PANK1: variants seen among roughly 807,000 people sequenced by gnomAD.
PANK1 encodes pantothenic acid kinase 1.
A neutral mutation model predicts 40.1 loss-of-function variants in PANK1; 18 were observed. The observed-to-expected ratio is 0.45, with a 90% CI of 0.31 to 0.67. PANK1 has a LOEUF of 0.67. Among genes scored for constraint, PANK1 ranks in the 30% least tolerant of loss-of-function variants. The pLI is 0.06. For synonymous variants in PANK1, 242 were observed against 237.7 expected, an observed-to-expected ratio of 1.02 and a Z score of -0.17; for missense variants, 457 against 599.6, an observed-to-expected ratio of 0.76 and a Z score of 2.48.
intron 3 of PANK1, 53 bp from the exon 4 acceptor site, chr10:89,594,042 C>T: frequency 7.7e-7 from 1 of 1,302,788 alleles, no homozygotes; most frequent in Non-Finnish European, 1.1e-6. Flanking sequence ...TATGCCCATC[C>T]AAGTCCCCAA....
At chr10:89,612,612 T>C (rs1845194160) in intron 1 of PANK1, among the ~76,000 whole-genome samples, 1 of 152,210 alleles carries the variant, frequency 6.6e-6, no homozygotes, top group Admixed American at 6.5e-5. Context: ...TGTTTTAATC[T>C]ATACAGTGTA....
intron 5 of PANK1, chr10:89,592,611 T>C: frequency 2.2e-6 from 1 of 451,552 alleles, no homozygotes; most frequent in Non-Finnish European, 4.5e-6. Context: ...TTATACACCT[T>C]GTATTTCAGA....
rs1589750225 is a variant in PANK1 at position 89,583,456 on chromosome 10, T to C, written c.*950A>G. On this transcript the variant is annotated 3_prime_UTR_variant, in exon 7 of 7. Coordinates refer to ENST00000307534, the MANE Select transcript of PANK1 (RefSeq NM_148977.3). ...CTCAACCCATGACTTACCCTAAATCTCCTGATATGAACAATTAATCTACTG... is the reference window on the plus strand; with the variant it reads ...CTCAACCCATGACTTACCCTAAATCCCCTGATATGAACAATTAATCTACTG... 6.6e-6 allele frequency: 1 copy of C among 152,160 alleles called. No homozygotes were observed. The highest frequency in any genetic ancestry group is 6.5e-5 in the Admixed American group (1 of 15,272). 9.4% of individuals were successfully genotyped at this position (152,160 alleles called of 1,614,324 possible).
At chr10:89,600,514 T>C (rs1373849009) in intron 2 of PANK1, among the ~76,000 whole-genome samples, 1 of 152,240 alleles carries the variant, frequency 6.6e-6, no homozygotes, top group African/African-American at 2.4e-5. Context: ...GAAGATTACC[T>C]AAAAATATAG....
At chr10:89,623,505 G>A (rs1589804403) in intron 1 of PANK1, among the ~76,000 whole-genome samples, 1 of 150,628 alleles carries the variant, frequency 6.6e-6, no homozygotes, top group African/African-American at 2.4e-5. Context: ...TTACAGGCAT[G>A]AGCCACCGTG....
At chr10:89,637,052 G>A (rs905876044) in intron 1 of PANK1, among the ~76,000 whole-genome samples, 1 of 151,002 alleles carries the variant, frequency 6.6e-6, no homozygotes, top group African/African-American at 2.4e-5. Context: ...TAGAGACGGG[G>A]TTCCACCGTG....
intron 1 of PANK1, among the ~76,000 whole-genome samples, chr10:89,635,273 C>T (rs1189090693): frequency 6.6e-6 from 1 of 152,034 alleles, no homozygotes; most frequent in African/African-American, 2.4e-5. Context: ...AGAAATTTAT[C>T]GGGCTCACAA....
At chr10:89,581,616 G>A (rs150788924), downstream of PANK1, 1,095 of 152,210 alleles carry the variant, frequency 7.2e-3, 12 homozygotes, top group African/African-American at 0.025. Flanking sequence ...GGGTTTCACC[G>A]TATTAGCCAG....
At chr10:89,591,565 C>A (rs1442869101) in intron 5 of PANK1, among the ~76,000 whole-genome samples, 1 of 152,212 alleles carries the variant, frequency 6.6e-6, no homozygotes, top group Non-Finnish European at 1.5e-5. Flanking sequence ...TGGCTGCTCT[C>A]ATGGGAAATG....
rs1477214952 is a variant in PANK1, at chr10:89,645,015, C to T, written c.-124G>A. 1.3e-6 allele frequency: 2 copies of T among 1,566,984 alleles called. No homozygotes were observed. The highest frequency in any genetic ancestry group is 1.8e-5 in the Admixed American group (1 of 54,132). On this transcript the variant is annotated 5_prime_UTR_variant, in exon 1 of 7. Coordinates refer to ENST00000307534, the MANE Select transcript of PANK1 (RefSeq NM_148977.3). ...TCCGATTCAGCAGCCGCAGAGCCGG[C>T]GCCTGGGGATGGCGAACCCGGCGCT...
intron 1 of PANK1, among the ~76,000 whole-genome samples, chr10:89,641,153 T>C (rs1422360225): frequency 6.6e-6 from 1 of 152,342 alleles, no homozygotes; most frequent in Non-Finnish European, 1.5e-5. Flanking sequence ...CTCTTATCCA[T>C]GTAGAAGTAT....
chr10:89,592,851 C>T (rs780409133), intron 5 of PANK1: 1 of 545,338 alleles, frequency 1.8e-6, no homozygotes, highest in Non-Finnish European at 3.7e-6. Context: ...GCAAGTCGAG[C>T]ATTTTACCTG....
chr10:89,629,566 T>C (rs1364375441), intron 1 of PANK1, among the ~76,000 whole-genome samples: 1 of 152,210 alleles, frequency 6.6e-6, no homozygotes, highest in Non-Finnish European at 1.5e-5. Flanking sequence ...GAATCCCAGA[T>C]ATGAAAGAGA....
intron 1 of PANK1, among the ~76,000 whole-genome samples, chr10:89,636,958 T>C (rs553812881): frequency 6.7e-6 from 1 of 150,230 alleles, no homozygotes; most frequent in African/African-American, 2.5e-5. Context: ...GCCTCCCGGG[T>C]TCATGCCATT....
chr10:89,631,113 C>T (rs1043616051), intron 1 of PANK1, among the ~76,000 whole-genome samples: 1 of 152,178 alleles, frequency 6.6e-6, no homozygotes, highest in African/African-American at 2.4e-5. Context: ...TGTATTACAA[C>T]CCAGTATAAA....
At chr10:89,637,355 T>C (rs1233484800) in intron 1 of PANK1, among the ~76,000 whole-genome samples, 1 of 152,188 alleles carries the variant, frequency 6.6e-6, no homozygotes, top group Non-Finnish European at 1.5e-5. Flanking sequence ...GGCAATTCTG[T>C]CATTGTGCAA....
chr10:89,633,876 C>T (rs1042260996), intron 1 of PANK1, among the ~76,000 whole-genome samples: 1 of 152,194 alleles, frequency 6.6e-6, no homozygotes, highest in African/African-American at 2.4e-5. Context: ...AGAAGTCATC[C>T]TCCAATCTTG....
At chr10:89,614,694 G>A (rs1441270363) in intron 1 of PANK1, among the ~76,000 whole-genome samples, 1 of 152,088 alleles carries the variant, frequency 6.6e-6, no homozygotes, top group East Asian at 1.9e-4. Flanking sequence ...CTACTTGAGA[G>A]GCTGAGGTGG....
intron 2 of PANK1, among the ~76,000 whole-genome samples, chr10:89,608,181 G>A (rs897071403): frequency 7.9e-5 from 12 of 151,936 alleles, no homozygotes; most frequent in African/African-American, 1.7e-4. Flanking sequence ...ACAGGCGCCC[G>A]CGACCACGCC....
Sources: allele counts gnomAD v4.1 joint callset (sites outside exome capture counted in the v4.1 genomes callset), GRCh38; gene constraint gnomAD v4.1.1; transcripts MANE v1.5; gene names NCBI Gene and HGNC (gene_info 2026-07-23, HGNC 2026-07-21).